CREB3L2: variants seen among roughly 807,000 people sequenced by gnomAD.
The protein encoded by CREB3L2 is cyclic AMP-responsive element-binding protein 3-like protein 2.
CREB3L2 carries 23 observed loss-of-function variants against 57.2 expected under a neutral mutation model. The ratio of observed to expected loss-of-function variants is 0.40; its 90% confidence interval spans 0.29 to 0.57. The LOEUF is 0.57. Ranked by LOEUF, CREB3L2 falls within the 20% of genes least tolerant of loss-of-function variation. The pLI is 0.42. For missense variants in CREB3L2, 628 were observed against 634.7 expected, an observed-to-expected ratio of 0.99 and a Z score of 0.11; for synonymous variants, 268 against 265.1, an observed-to-expected ratio of 1.01 and a Z score of -0.11.
intron 1 of CREB3L2, among the ~76,000 whole-genome samples, chr7:137,952,389 A>T (rs1801118987): frequency 6.6e-6 from 1 of 152,192 alleles, no homozygotes; most frequent in Non-Finnish European, 1.5e-5. Context: ...CCCATGGCTG[A>T]GAGGATATCC....
intron 8 of CREB3L2, among the ~76,000 whole-genome samples, chr7:137,886,818 C>A (rs1008243725): frequency 6.6e-6 from 1 of 152,024 alleles, no homozygotes; most frequent in African/African-American, 2.4e-5. Context: ...GTCTTATATA[C>A]TCTGCTCTGT....
intron 7 of CREB3L2, 43 bp downstream of exon 7, chr7:137,903,916 T>C: frequency 6.6e-7 from 1 of 1,520,786 alleles, no homozygotes; most frequent in Admixed American, 1.7e-5. Context: ...TATTTCCCTG[T>C]GCATACTGCC....
At chr7:137,987,989 G>C (rs1801820554) in intron 1 of CREB3L2, among the ~76,000 whole-genome samples, 1 of 152,216 alleles carries the variant, frequency 6.6e-6, no homozygotes, top group South Asian at 2.1e-4. Flanking sequence ...CTAAACTGTG[G>C]AGTGAATCCT....
intron 1 of CREB3L2, chr7:137,957,935 C>T (rs961206634): frequency 1.5e-5 from 6 of 404,318 alleles, no homozygotes; most frequent in Non-Finnish European, 2.8e-5. Flanking sequence ...CTAGGACCTC[C>T]TCCCAGAAGG....
chr7:137,995,488 C>A (rs1801976126), intron 1 of CREB3L2, among the ~76,000 whole-genome samples: 1 of 151,922 alleles, frequency 6.6e-6, no homozygotes, highest in Admixed American at 6.6e-5. Flanking sequence ...GCGCCCGCCA[C>A]CACGCCCAGC....
At chr7:137,901,886 A>AAAAAAAG (rs1799767744) in intron 7 of CREB3L2, among the ~76,000 whole-genome samples, 2 of 149,448 alleles carry the variant, frequency 1.3e-5, no homozygotes, top group East Asian at 1.9e-4. Context: ...AAAAAAAAAA[A>AAAAAAAG]AAAAAAGAAA....
chr7:137,880,532 C>T lies in CREB3L2; in HGVS notation c.1507G>A (p.Gly503Arg). 6.2e-7 allele frequency: 1 copy of T among 1,613,848 alleles called. No homozygotes were observed. The highest frequency in any genetic ancestry group is 8.5e-7 in the Non-Finnish European group (1 of 1,179,864). The stretch of plus-strand genomic sequence containing the variant: ...TCTACAACTTTTAGTGTTTCATTCC[C>T]CTCCAGTTTGGCGCTGACCCTGTGA... ...QQHLVSAKLE[G>R]NETLKVVELD... Residue 503 changes from glycine (G) to arginine (R), a missense_variant, in exon 12 of 12, where the codon GGG becomes AGG. Physicochemically the swap from Gly to Arg is moderately radical, Grantham distance 125. Transcript: ENST00000330387. This position sits in a 1 kb window ranked among gnomAD's most constrained non-coding sequence, Gnocchi z 4.0.
intron 1 of CREB3L2, among the ~76,000 whole-genome samples, chr7:137,971,449 C>CA (rs34602691): frequency 0.53 from 72,521 of 135,846 alleles, 19,267 homozygotes; most frequent in East Asian, 0.73. Context: ...GACTCCGTCT[C>CA]AAAAAAAAAA....
intron 1 of CREB3L2, among the ~76,000 whole-genome samples, chr7:137,946,747 TTATAGTTATCTATATAGTTTAGTTATCTA>T (rs374157762): frequency 2.5e-5 from 2 of 79,628 alleles, no homozygotes; most frequent in African/African-American, 6.2e-5. Context: ...ATATAGTTTT[TTATAGTTATCTATATAGTTTAGTTATCTA>T]TATAGTTATC....
rs530240212 is a variant in CREB3L2 at position 137,965,605 on chromosome 7, A to C, written c.102+35999T>G. On this transcript the variant is annotated intron_variant, in intron 1 of 11. Coordinates refer to ENST00000330387, the MANE Select transcript of CREB3L2 (RefSeq NM_194071.4). ...AGAACCCTGGTCTCAGGAAGCACTG[A>C]TTAAAGTTTCAAGGAAGTGACACAG... Among the ~76,000 whole-genome samples the C allele has an allele frequency of 1.6e-4, 24 of 152,316 alleles. No individual in the cohort carries two copies. The South Asian group carries it at 4.8e-3, about 30-fold the overall frequency.
chr7:137,937,099 C>T (rs979885087), intron 1 of CREB3L2, among the ~76,000 whole-genome samples: 2 of 152,148 alleles, frequency 1.3e-5, no homozygotes, highest in Non-Finnish European at 2.9e-5. Context: ...CTCTGGGAAA[C>T]AGGGAAGCTT....
intron 1 of CREB3L2, among the ~76,000 whole-genome samples, chr7:137,938,333 A>C (rs1800826887): frequency 6.6e-6 from 1 of 151,958 alleles, no homozygotes; most frequent in Admixed American, 6.6e-5. Flanking sequence ...TGCTTTCAGA[A>C]ATGGGTTTTT....
At chr7:137,995,180 G>A (rs1189979873) in intron 1 of CREB3L2, among the ~76,000 whole-genome samples, 1 of 152,056 alleles carries the variant, frequency 6.6e-6, no homozygotes, top group Non-Finnish European at 1.5e-5. Context: ...TCTTCCTCTG[G>A]ATGTTGTCAT....
In CREB3L2 at chr7:137,880,459, G is replaced by T; in HGVS notation, c.*17C>A. 1 of 1,603,378 alleles carries T rather than the reference G, an allele frequency of 6.2e-7. No homozygotes were observed. Among genetic ancestry groups the T allele is most frequent in the Non-Finnish European group, 8.5e-7 (1 of 1,171,050 alleles). On this transcript the variant is annotated 3_prime_UTR_variant, in exon 12 of 12. Coordinates refer to ENST00000330387, the MANE Select transcript of CREB3L2 (RefSeq NM_194071.4). The surrounding 1 kb of genome is among the most constrained non-coding windows in gnomAD (Gnocchi z 4.0). ...AAAGTAGAGTTAAGGGAAAGGGAGG[G>T]GGTGCAGGCAGCCTCTTTAGAAAGT... is the stretch of plus-strand genomic sequence containing the variant.
chr7:137,922,510 T>A, intron 2 of CREB3L2: 6 of 253,310 alleles, frequency 2.4e-5, no homozygotes, highest in South Asian at 7.8e-5. Flanking sequence ...ACACACACAA[T>A]ATATATATAT....
intron 11 of CREB3L2, among the ~76,000 whole-genome samples, chr7:137,881,163 G>A (rs1480106311): frequency 1.3e-5 from 2 of 152,104 alleles, no homozygotes; most frequent in African/African-American, 4.8e-5. Flanking sequence ...AAGTAAGAAG[G>A]CACTGGGTCT....
intron 5 of CREB3L2, among the ~76,000 whole-genome samples, chr7:137,906,736 G>T (rs762687702): frequency 1.3e-5 from 2 of 152,176 alleles, no homozygotes; most frequent in Non-Finnish European, 2.9e-5. Flanking sequence ...TCTTTCCCAT[G>T]CTGCTTTTGT....
At chr7:137,918,158 A>G (rs532804998) in intron 2 of CREB3L2, among the ~76,000 whole-genome samples, 1 of 151,848 alleles carries the variant, frequency 6.6e-6, no homozygotes, top group South Asian at 2.1e-4. Context: ...CATAGATCCC[A>G]TTTTTTCCAT....
At chr7:137,961,257 A>T (rs575294151) in intron 1 of CREB3L2, among the ~76,000 whole-genome samples, 28 of 152,038 alleles carry the variant, frequency 1.8e-4, no homozygotes, top group Non-Finnish European at 3.2e-4. Flanking sequence ...AATTTTCTCA[A>T]TGTAAATGAA....
Sources: allele counts gnomAD v4.1 joint callset (sites outside exome capture counted in the v4.1 genomes callset), GRCh38; gene constraint gnomAD v4.1.1; non-coding constraint Gnocchi (gnomAD v3.1); transcripts MANE v1.5; gene names NCBI Gene and HGNC (gene_info 2026-07-23, HGNC 2026-07-21).